DIP2C: variants seen among roughly 807,000 people sequenced by gnomAD.
The protein encoded by DIP2C is disco-interacting protein 2 homolog C.
Under a neutral mutation model 192.4 loss-of-function variants are expected in DIP2C, and 33 were observed. The ratio of observed to expected loss-of-function variants is 0.17; its 90% CI spans 0.13 to 0.23. The LOEUF is 0.23. Among genes scored for constraint, DIP2C ranks in the 10% least tolerant of loss-of-function variants. The probability of loss-of-function intolerance (pLI) is 1.00; values close to 1 mark genes in which losing one functional copy is unlikely to be tolerated. For missense variants in DIP2C, 1,537 were observed against 2,110.1 expected, an observed-to-expected ratio of 0.73 and a Z score of 5.32; for synonymous variants, 979 against 864.1, an observed-to-expected ratio of 1.13 and a Z score of -2.33.
chr10:575,272 G>A (rs758048387), intron 1 of DIP2C, among the ~76,000 whole-genome samples: 64 of 152,256 alleles, frequency 4.2e-4, no homozygotes, highest in African/African-American at 1.0e-3. Flanking sequence ...CACTGGTATC[G>A]CAAAATCCAG....
At chr10:613,318 A>G (rs543906892) in intron 1 of DIP2C, among the ~76,000 whole-genome samples, 1 of 152,326 alleles carries the variant, frequency 6.6e-6, no homozygotes, top group African/African-American at 2.4e-5. Flanking sequence ...AACGTCAGCT[A>G]GAGCCGATCA....
chr10:564,506 T>C (rs1849364026), intron 1 of DIP2C, among the ~76,000 whole-genome samples: 1 of 152,158 alleles, frequency 6.6e-6, no homozygotes, highest in African/African-American at 2.4e-5. Flanking sequence ...TCTTGGCCAG[T>C]AGCTGAGGGC....
At chr10:343,097 G>C (rs1958239473) in intron 28 of DIP2C, among the ~76,000 whole-genome samples, 1 of 152,052 alleles carries the variant, frequency 6.6e-6, no homozygotes. Flanking sequence ...AGAACATCCT[G>C]GCTAACACAG....
intron 3 of DIP2C, among the ~76,000 whole-genome samples, chr10:458,329 T>C (rs1969472955): frequency 6.6e-6 from 1 of 152,206 alleles, no homozygotes; most frequent in South Asian, 2.1e-4. Flanking sequence ...CTCATCAAAA[T>C]CAGTAAATCC....
intron 10 of DIP2C, 83 bp from the exon 11 acceptor site, chr10:390,946 C>G: frequency 6.4e-7 from 1 of 1,560,734 alleles, no homozygotes; most frequent in South Asian, 1.2e-5. Flanking sequence ...AGCGTTCACA[C>G]AGACCCTCGA....
At chr10:290,518 T>C (rs909455133) in intron 32 of DIP2C, among the ~76,000 whole-genome samples, 21 of 152,304 alleles carry the variant, frequency 1.4e-4, no homozygotes, top group African/African-American at 5.1e-4. Flanking sequence ...GACATGGCCA[T>C]GCCAGGACAA....
intron 1 of DIP2C, among the ~76,000 whole-genome samples, chr10:487,586 T>TTTG (rs1844116594): frequency 2.9e-5 from 4 of 139,034 alleles, no homozygotes; most frequent in African/African-American, 1.1e-4. Context: ...TTTTTTTTTT[T>TTTG]TTTTTTTTTT....
chr10:391,714 A>C (rs1005303814), intron 10 of DIP2C, among the ~76,000 whole-genome samples: 4 of 152,212 alleles, frequency 2.6e-5, no homozygotes, highest in Non-Finnish European at 5.9e-5. Context: ...TGTAGTGAGC[A>C]AGTCACCGTC....
Position 572,050 on chromosome 10 carries a change from G to A in DIP2C, c.86-85520C>T, listed in dbSNP as rs1301811152. On this transcript the variant is annotated intron_variant, in intron 1 of 36. Transcript: ENST00000280886. ...TCACTGAATTCTGCCCGAGGCTCTAGGGGTGTTTTCCTCTCTGAAAGGAGA... is the reference window on the plus strand; with the variant it reads ...TCACTGAATTCTGCCCGAGGCTCTAAGGGTGTTTTCCTCTCTGAAAGGAGA... 4.6e-5 allele frequency among the ~76,000 whole-genome samples: 7 copies of A among 152,346 alleles called. No individual in the cohort carries two copies. The East Asian group carries it at 1.3e-3, about 29-fold the overall frequency.
rs1485690168 is a variant in DIP2C, at chr10:422,867, C to T, written c.561G>A (p.Gly187=). Reference sequence around the variant, plus strand: ...TGACGTCCGCCAGCCTGTGGGCAGCCCCGCTGCCCCCGCTCTGCGTAGAGG... The same window carrying T: ...TGACGTCCGCCAGCCTGTGGGCAGCTCCGCTGCCCCCGCTCTGCGTAGAGG... ...SSSSTQSGGS[G]AAHRLADVMA... is the part of the protein sequence containing the mutation. The change falls in exon 5 of 37, where the codon GGG becomes GGA. Residue 187 remains glycine, a synonymous_variant. Transcript: ENST00000280886. The T allele has an allele frequency of 1.9e-6, 3 of 1,613,116 alleles. No individual in the cohort carries two copies. The highest frequency in any genetic ancestry group is 1.3e-5 in the African/African-American group (1 of 75,050).
intron 33 of DIP2C, among the ~76,000 whole-genome samples, chr10:287,669 GAAA>G (rs34102226): frequency 1.3e-4 from 16 of 124,034 alleles, no homozygotes; most frequent in African/African-American, 2.4e-4. Context: ...GGCCGAAACG[GAAA>G]AAAAAAAAAA....
chr10:606,151 C>T lies in DIP2C; in HGVS notation c.85+83343G>A, dbSNP rs371213106. ...TTCTCCTCGCGCTGCTTTCTGGGTT[C>T]TAAGTTGTCCTCAGAACGAGTCCTG... On this transcript the variant is annotated intron_variant, in intron 1 of 36. Transcript: ENST00000280886. Among the ~76,000 whole-genome samples, 210 of 152,338 alleles carry T rather than the reference C, an allele frequency of 1.4e-3. 4 individuals are homozygous for T. The highest frequency in any genetic ancestry group is 4.7e-3 in the African/African-American group (196 of 41,576).
At chr10:475,188 C>T (rs1169413813) in intron 2 of DIP2C, among the ~76,000 whole-genome samples, 2 of 152,136 alleles carry the variant, frequency 1.3e-5, no homozygotes, top group African/African-American at 4.8e-5. Context: ...GGAAAAGCGG[C>T]CGCCTGCTTC....
chr10:335,669 G>A (rs913236237), intron 29 of DIP2C, among the ~76,000 whole-genome samples: 5 of 152,208 alleles, frequency 3.3e-5, no homozygotes, highest in Non-Finnish European at 5.9e-5. Context: ...CAGGAGTATC[G>A]CGGATGCGGC....
chr10:675,849 T>A (rs1310808273), intron 1 of DIP2C, among the ~76,000 whole-genome samples: 1 of 152,078 alleles, frequency 6.6e-6, no homozygotes, highest in Non-Finnish European at 1.5e-5. Context: ...AATTTTTATT[T>A]CAATTCTTCT....
At position 356,449 on chromosome 10, in the gene DIP2C, G is replaced by T. The variant is rs563922647; in HGVS notation, c.2962C>A (p.Leu988Ile). Residue 988 changes from leucine (L) to isoleucine (I), a missense_variant, in exon 24 of 37, where the codon CTC (leucine) becomes ATC (isoleucine). This residue lies in a region of DIP2C where 677 missense variants were observed against 989.9 expected (regional missense o/e 0.68). Transcript: ENST00000280886. ...WRAQTTPDHI[L>I]YTLLNCRGAI... Reference sequence around the variant, plus strand: ...ACCCGACAGTTGAGCAGCGTGTAGAGGATGTGGTCCGGGGTGGTCTGTGCT... The same window carrying T: ...ACCCGACAGTTGAGCAGCGTGTAGATGATGTGGTCCGGGGTGGTCTGTGCT... 6.2e-7 allele frequency: 1 copy of T among 1,611,864 alleles called. No individual in the cohort carries two copies. Among genetic ancestry groups the T allele is most frequent in the Admixed American group, 1.7e-5 (1 of 60,022 alleles).
intron 1 of DIP2C, among the ~76,000 whole-genome samples, chr10:550,999 G>A (rs78706681): frequency 0.034 from 5,107 of 149,786 alleles, 136 homozygotes; most frequent in Non-Finnish European, 0.051. Flanking sequence ...CTGTGCACAC[G>A]GCTTCCCCGG....
At chr10:599,860 G>A (rs1415860309) in intron 1 of DIP2C, among the ~76,000 whole-genome samples, 5 of 152,140 alleles carry the variant, frequency 3.3e-5, no homozygotes, top group Admixed American at 3.3e-4. Context: ...GCACTGTGGG[G>A]GACAGTGCTG....
intron 1 of DIP2C, among the ~76,000 whole-genome samples, chr10:503,224 G>A (rs760404024): frequency 3.9e-5 from 6 of 152,244 alleles, no homozygotes; most frequent in South Asian, 2.1e-4. Context: ...CCAGGACACC[G>A]ACCTGCGGAC....
Sources: gnomAD v4.1 joint callset for allele counts (sites outside exome capture counted in the v4.1 genomes callset) on GRCh38, gnomAD v4.1.1 for gene constraint, gnomAD v4.1.1 regional missense constraint, MANE v1.5 for transcripts, NCBI Gene and HGNC (gene_info 2026-07-23, HGNC 2026-07-21) for gene names.